Variants in NCAM2 observed in about 807,000 individuals in gnomAD.
The protein encoded by NCAM2 is N-CAM-2.
A neutral mutation model predicts 98.1 loss-of-function variants in NCAM2; 30 were observed. The ratio of observed to expected loss-of-function variants is 0.31; its 90% CI spans 0.23 to 0.41. NCAM2 has a LOEUF of 0.41. Ranked by LOEUF, NCAM2 falls within the 10% of genes least tolerant of loss-of-function variation. NCAM2 has a pLI of 1.00. For synonymous variants in NCAM2, 368 were observed against 342.4 expected, an observed-to-expected ratio of 1.07 and a Z score of -0.83; for missense variants, 867 against 1,005.8, an observed-to-expected ratio of 0.86 and a Z score of 1.87.
chr21:21,467,308 T>C (rs1983808123), intron 13 of NCAM2, among the ~76,000 whole-genome samples: 1 of 150,244 alleles, frequency 6.7e-6, no homozygotes, highest in Non-Finnish European at 1.5e-5. Flanking sequence ...ACTTTAAATG[T>C]GAGAAAACAT....
Position 21,411,069 on chromosome 21 carries a change from T to TATATATAC in NCAM2, c.1383+609_1383+610insTATATACA, listed in dbSNP as rs1279301831. The stretch of plus-strand genomic sequence containing the variant: ...ATATGTGTGTGTATATATATATATA[T>TATATATAC]ACACACACATATATATATGTGTGTA... On this transcript the variant is annotated intron_variant, in intron 10 of 17. Coordinates refer to ENST00000400546, the MANE Select transcript of NCAM2 (RefSeq NM_004540.5). Among the ~76,000 whole-genome samples, 141 of 32,806 alleles carry TATATATAC rather than the reference T, an allele frequency of 4.3e-3. 4 individuals carry two copies. The highest frequency in any genetic ancestry group is 0.014 in the African/African-American group (127 of 9,066). 21.5% of individuals were successfully genotyped at this position (32,806 alleles called of 152,430 possible). A position where few individuals can be genotyped will look rare whatever the true frequency, so the allele number is the denominator to read the frequency against.
chr21:21,332,716 G>A (rs769684163), intron 6 of NCAM2, among the ~76,000 whole-genome samples: 3 of 152,030 alleles, frequency 2.0e-5, no homozygotes, highest in Non-Finnish European at 4.4e-5. Context: ...TGCACACTCT[G>A]TCTTCCAACC....
chr21:21,508,009 C>A (rs1054762439), intron 15 of NCAM2, among the ~76,000 whole-genome samples: 1 of 152,094 alleles, frequency 6.6e-6, no homozygotes, highest in Non-Finnish European at 1.5e-5. Context: ...ACACGTGATT[C>A]ATCTTCATTA....
intron 1 of NCAM2, among the ~76,000 whole-genome samples, chr21:21,071,309 G>GTGA (rs1300034753): frequency 3.9e-5 from 6 of 152,288 alleles, no homozygotes; most frequent in African/African-American, 1.4e-4. Flanking sequence ...TATCAACTTA[G>GTGA]AGTTGGTGAA....
intron 15 of NCAM2, among the ~76,000 whole-genome samples, chr21:21,501,553 T>C (rs777043304): frequency 1.3e-5 from 2 of 151,912 alleles, no homozygotes; most frequent in Admixed American, 1.3e-4. Context: ...GCAACCCTTC[T>C]GGTTCTGCAC....
intron 9 of NCAM2, among the ~76,000 whole-genome samples, chr21:21,392,135 T>C (rs999612551): frequency 6.6e-6 from 1 of 152,170 alleles, no homozygotes; most frequent in Non-Finnish European, 1.5e-5. Flanking sequence ...CAGTGTGTGT[T>C]GTTCCCCTGT....
chr21:21,395,239 T>C (rs1411591566), intron 9 of NCAM2, among the ~76,000 whole-genome samples: 1 of 151,842 alleles, frequency 6.6e-6, no homozygotes, highest in African/African-American at 2.4e-5. Flanking sequence ...GAGGCTGAGG[T>C]AGGAGAATCA....
chr21:21,401,469 AC>A (rs2145873939), intron 9 of NCAM2, among the ~76,000 whole-genome samples: 1 of 152,172 alleles, frequency 6.6e-6, no homozygotes, highest in East Asian at 1.9e-4. Flanking sequence ...TATTCCTCTT[AC>A]CACCATAACC....
intron 8 of NCAM2, among the ~76,000 whole-genome samples, chr21:21,371,939 C>T (rs539259964): frequency 6.6e-6 from 1 of 151,470 alleles, no homozygotes; most frequent in Non-Finnish European, 1.5e-5. Context: ...GATGATCCAT[C>T]AATCTCCCAA....
intron 15 of NCAM2, among the ~76,000 whole-genome samples, chr21:21,504,403 T>C (rs1281690486): frequency 6.7e-6 from 1 of 150,098 alleles, no homozygotes; most frequent in Non-Finnish European, 1.5e-5. Context: ...GGATTTACAA[T>C]TATTTAAATT....
chr21:21,095,148 A>G (rs1251470295), intron 1 of NCAM2, among the ~76,000 whole-genome samples: 1 of 151,684 alleles, frequency 6.6e-6, no homozygotes, highest in Admixed American at 6.6e-5. Context: ...TCAGTTCTAA[A>G]ATAGAGTTCA....
intron 1 of NCAM2, among the ~76,000 whole-genome samples, chr21:21,096,164 G>A (rs1018736328): frequency 5.3e-5 from 8 of 151,498 alleles, no homozygotes; most frequent in African/African-American, 1.7e-4. Context: ...TGTGAGCAAG[G>A]GTAACCTTGC....
At chr21:21,336,678 G>A (rs1484367305) in intron 7 of NCAM2, among the ~76,000 whole-genome samples, 1 of 152,162 alleles carries the variant, frequency 6.6e-6, no homozygotes, top group African/African-American at 2.4e-5. Flanking sequence ...TGGCCCTGTA[G>A]TCACTGCTGG....
At chr21:21,108,085 T>A (rs1035641268) in intron 1 of NCAM2, among the ~76,000 whole-genome samples, 1 of 152,150 alleles carries the variant, frequency 6.6e-6, no homozygotes, top group Non-Finnish European at 1.5e-5. Flanking sequence ...ACATGTAATT[T>A]AATTCTTTAA....
chr21:21,063,369 C>T (rs910376850), intron 1 of NCAM2, among the ~76,000 whole-genome samples: 2 of 151,598 alleles, frequency 1.3e-5, no homozygotes, highest in African/African-American at 4.8e-5. Flanking sequence ...TACAGGCATG[C>T]GCCAGCACGC....
At position 21,539,673 on chromosome 21, in the gene NCAM2, GCCATAA is replaced by G. The variant is rs771395022; in HGVS notation, c.*1717_*1722del. On this transcript the variant is annotated 3_prime_UTR_variant, in exon 18 of 18. Transcript: ENST00000400546. ...GGCACCAAATCGTCGCAGTGTCTTT[GCCATAA>G]GTTGCAGGGTTAAATGCGGGAATCT... is the stretch of plus-strand genomic sequence containing the variant. 3 of 152,118 alleles carry G rather than the reference GCCATAA, an allele frequency of 2.0e-5. No homozygotes were observed. Among genetic ancestry groups the G allele is most frequent in the Non-Finnish European group, 4.4e-5 (3 of 68,032 alleles). 9.4% of individuals were successfully genotyped at this position (152,118 alleles called of 1,614,324 possible).
At chr21:21,313,847 A>G (rs910093922) in intron 5 of NCAM2, among the ~76,000 whole-genome samples, 3 of 151,888 alleles carry the variant, frequency 2.0e-5, no homozygotes, top group Non-Finnish European at 4.4e-5. Flanking sequence ...ATCTGTTTTC[A>G]CAATTTGTGG....
intron 1 of NCAM2, among the ~76,000 whole-genome samples, chr21:21,140,420 T>A (rs192909109): frequency 2.0e-5 from 3 of 152,154 alleles, no homozygotes; most frequent in Admixed American, 1.3e-4. Flanking sequence ...AATAAATAAT[T>A]CTTGGTGAAA....
At chr21:21,489,829 T>A (rs1363820700) in intron 15 of NCAM2, among the ~76,000 whole-genome samples, 1 of 152,026 alleles carries the variant, frequency 6.6e-6, no homozygotes, top group African/African-American at 2.4e-5. Flanking sequence ...AAGAAAAAAA[T>A]TAACACTTAT....
Sources: gnomAD v4.1 joint callset for allele counts (sites outside exome capture counted in the v4.1 genomes callset) on GRCh38, gnomAD v4.1.1 for gene constraint, MANE v1.5 for transcripts, NCBI Gene and HGNC (gene_info 2026-07-23, HGNC 2026-07-21) for gene names.